Variants in EXOC6B observed in about 807,000 individuals in gnomAD.
The protein encoded by EXOC6B is exocyst complex component 6B, also known as SEC15 homolog B.
EXOC6B carries 54 observed loss-of-function variants against 113.5 expected under a neutral mutation model. That is an observed-to-expected ratio of 0.48 (90% confidence interval 0.38 to 0.60). EXOC6B has a LOEUF of 0.60. EXOC6B is among the 20% of genes least tolerant of loss of function. EXOC6B has a pLI of 0.00. For synonymous variants in EXOC6B, 357 were observed against 339.0 expected (o/e 1.05, Z -0.58); for missense variants, 797 against 977.5 (o/e 0.82, Z 2.46).
chr2:72,647,022 C>T (rs1438456376), intron 6 of EXOC6B, among the ~76,000 whole-genome samples: 1 of 152,120 alleles, frequency 6.6e-6, no homozygotes, highest in African/African-American at 2.4e-5. Context: ...TCTCTGTTTG[C>T]AGATGACATG....
intron 20 of EXOC6B, among the ~76,000 whole-genome samples, chr2:72,305,346 A>ATGTATG (rs1686778219): frequency 6.6e-6 from 1 of 151,220 alleles, no homozygotes; most frequent in Non-Finnish European, 1.5e-5. Flanking sequence ...GTATATGTAT[A>ATGTATG]TGTATATGTA....
At position 72,516,468 on chromosome 2, in the gene EXOC6B, G is replaced by A. The variant is rs916630945; in HGVS notation, c.916-1342C>T. 2.1e-4 allele frequency among the ~76,000 whole-genome samples: 32 copies of A among 152,046 alleles called. 1 individual carries two copies. The highest frequency in any genetic ancestry group is 4.8e-5 in the African/African-American group (2 of 41,398). On this transcript the variant is annotated intron_variant, in intron 8 of 21. Transcript: ENST00000272427. ...TCACCATGTTGGCCAGGATGGTCTC[G>A]ATCTGTTGATTTTGTGATCCACCTG... is the stretch of plus-strand genomic sequence containing the variant.
At chr2:72,442,323 T>TCC (rs377748580) in intron 18 of EXOC6B, among the ~76,000 whole-genome samples, 4 of 150,822 alleles carry the variant, frequency 2.7e-5, no homozygotes, top group Non-Finnish European at 5.9e-5. Context: ...CTGAACACAT[T>TCC]CCCCCCCGCA....
chr2:72,225,356 G>A (rs1681171720), intron 20 of EXOC6B, among the ~76,000 whole-genome samples: 1 of 152,060 alleles, frequency 6.6e-6, no homozygotes, highest in African/African-American at 2.4e-5. Flanking sequence ...TGATGTGTCA[G>A]GTATTGGGCT....
chr2:72,546,128 T>C (rs1702886764), intron 8 of EXOC6B, among the ~76,000 whole-genome samples: 1 of 152,176 alleles, frequency 6.6e-6, no homozygotes, highest in Non-Finnish European at 1.5e-5. Flanking sequence ...TTCTACCCTA[T>C]ATCCCTGCAA....
chr2:72,478,770 A>G (rs1443734537), intron 17 of EXOC6B, among the ~76,000 whole-genome samples: 1 of 152,276 alleles, frequency 6.6e-6, no homozygotes, highest in Non-Finnish European at 1.5e-5. Context: ...GTTGAGAGAA[A>G]GAGTATCAGT....
chr2:72,813,849 A>G (rs1037695317), intron 1 of EXOC6B, among the ~76,000 whole-genome samples: 1 of 152,216 alleles, frequency 6.6e-6, no homozygotes, highest in African/African-American at 2.4e-5. Context: ...GCTCGTTTAG[A>G]TATTTCACTG....
chr2:72,515,591 C>T (rs778680223), intron 8 of EXOC6B: 4 of 998,680 alleles, frequency 4.0e-6, no homozygotes, highest in Non-Finnish European at 4.8e-6. Flanking sequence ...ATTAGTATTC[C>T]CCCTTAGGTT....
intron 18 of EXOC6B, among the ~76,000 whole-genome samples, chr2:72,461,150 T>C (rs913910112): frequency 5.0e-5 from 7 of 139,944 alleles, no homozygotes; most frequent in Non-Finnish European, 9.0e-5. Flanking sequence ...TAGGTGGGAA[T>C]TGAACAATGA....
At chr2:72,387,675 G>T (rs1692122610) in intron 18 of EXOC6B, among the ~76,000 whole-genome samples, 2 of 152,066 alleles carry the variant, frequency 1.3e-5, no homozygotes, top group African/African-American at 2.4e-5. Flanking sequence ...TTTAGTCTCT[G>T]TAGTTTCTGA....
intron 20 of EXOC6B, among the ~76,000 whole-genome samples, chr2:72,184,558 G>A (rs1289821761): frequency 6.6e-6 from 1 of 152,138 alleles, no homozygotes; most frequent in Non-Finnish European, 1.5e-5. Context: ...AACATGCCAA[G>A]AACCATTCTC....
intron 20 of EXOC6B, among the ~76,000 whole-genome samples, chr2:72,281,587 A>G (rs1162419139): frequency 6.6e-6 from 1 of 152,232 alleles, no homozygotes; most frequent in East Asian, 1.9e-4. Flanking sequence ...AAATGTCTAG[A>G]CAGAAGCAAA....
intron 17 of EXOC6B, among the ~76,000 whole-genome samples, chr2:72,466,356 A>AAAAAAG (rs1553417564): frequency 2.0e-5 from 3 of 151,436 alleles, no homozygotes; most frequent in Non-Finnish European, 4.4e-5. Context: ...AAAAAAAAAA[A>AAAAAAG]AAAAGAAAAG....
intron 20 of EXOC6B, among the ~76,000 whole-genome samples, chr2:72,235,107 T>C (rs558007721): frequency 3.4e-4 from 52 of 152,300 alleles, no homozygotes; most frequent in African/African-American, 5.8e-4. Context: ...TGTATGTTCA[T>C]TGCAGCACTA....
rs76818592 is a variant in EXOC6B, at chr2:72,273,014, G to A, written c.2196+61933C>T. Among the ~76,000 whole-genome samples the A allele has an allele frequency of 7.7e-3, 1,166 of 152,224 alleles. 15 individuals are homozygous for A. Among genetic ancestry groups the A allele is most frequent in the African/African-American group, 0.027 (1,130 of 41,576 alleles). ...CTGCTCTCCCAGTTACAGTCACACTGCCCTTACATCTTTTCACCTGACCTA... is the reference window on the plus strand; with the variant it reads ...CTGCTCTCCCAGTTACAGTCACACTACCCTTACATCTTTTCACCTGACCTA... On this transcript the variant is annotated intron_variant, in intron 20 of 21. Coordinates refer to ENST00000272427, the MANE Select transcript of EXOC6B (RefSeq NM_015189.3).
At chr2:72,583,949 T>G (rs950933546) in intron 6 of EXOC6B, among the ~76,000 whole-genome samples, 3 of 152,168 alleles carry the variant, frequency 2.0e-5, no homozygotes, top group Non-Finnish European at 2.9e-5. Context: ...CTCAAACTCC[T>G]GACCTCAAGT....
intron 17 of EXOC6B, among the ~76,000 whole-genome samples, chr2:72,478,178 C>T (rs1698864101): frequency 6.6e-6 from 1 of 152,124 alleles, no homozygotes; most frequent in African/African-American, 2.4e-5. Flanking sequence ...GATGATTACA[C>T]AGTAGATACA....
chr2:72,401,564 T>C lies in EXOC6B; in HGVS notation c.1981-21694A>G, dbSNP rs368677498. The stretch of plus-strand genomic sequence containing the variant: ...ATATATGTGTATATATATATATATA[T>C]ACATATATATATATATACATATATA... On this transcript the variant is annotated intron_variant, in intron 18 of 21. Coordinates refer to ENST00000272427, the MANE Select transcript of EXOC6B (RefSeq NM_015189.3). 7.9e-3 allele frequency among the ~76,000 whole-genome samples: 203 copies of C among 25,616 alleles called. 13 individuals carry two copies. The highest frequency in any genetic ancestry group is 0.023 in the East Asian group (32 of 1,362). The allele number at this position is 25,616 out of a possible 152,430, so 16.8% of individuals were successfully genotyped here. A position where few individuals can be genotyped will look rare whatever the true frequency, so the allele number is the denominator to read the frequency against.
At position 72,742,247 on chromosome 2, in the gene EXOC6B, C is replaced by T. The variant is rs115139650; in HGVS notation, c.114-778G>A. 6.6e-3 allele frequency among the ~76,000 whole-genome samples: 1,006 copies of T among 152,292 alleles called. 4 individuals carry two copies. The highest frequency in any genetic ancestry group is 0.02 in the Middle Eastern group (6 of 294). On this transcript the variant is annotated intron_variant, in intron 1 of 21. Transcript: ENST00000272427. ...TATTCCTGCAAGTTTTCCCATTTAT[C>T]CCTCCTTGGTAACATATATTTCTCC...
Sources: allele counts gnomAD v4.1 joint callset (sites outside exome capture counted in the v4.1 genomes callset), GRCh38; gene constraint gnomAD v4.1.1; transcripts MANE v1.5; gene names NCBI Gene and HGNC (gene_info 2026-07-23, HGNC 2026-07-21).